VDAC1: variants seen among roughly 807,000 people sequenced by gnomAD.
VDAC1 encodes the protein voltage dependent anion channel 1.
A neutral mutation model predicts 34.7 loss-of-function variants in VDAC1; 10 were observed. The observed-to-expected ratio is 0.29, with a 90% CI of 0.18 to 0.49. The LOEUF (loss-of-function observed/expected upper bound fraction) is 0.49. VDAC1 is among the 20% of genes least tolerant of loss of function. The pLI is 0.99. For synonymous variants in VDAC1, 130 were observed against 136.0 expected (o/e 0.96, Z 0.30); for missense variants, 230 against 347.9 (o/e 0.66, Z 2.69).
At chr5:134,107,238 G>A in the VDAC1 span, among the ~76,000 whole-genome samples, 1 of 152,320 alleles carries the variant, frequency 6.6e-6, no homozygotes, top group Admixed American at 6.5e-5. Flanking sequence ...CAGCCTCAGA[G>A]GGGCCAGGAG....
the VDAC1 span, among the ~76,000 whole-genome samples, chr5:134,048,486 C>T: frequency 1.3e-5 from 2 of 151,014 alleles, no homozygotes; most frequent in South Asian, 2.1e-4. Context: ...AGGCTGGTCT[C>T]GAACTCCTAC....
the VDAC1 span, among the ~76,000 whole-genome samples, chr5:134,049,914 C>A: frequency 6.6e-6 from 1 of 152,106 alleles, no homozygotes; most frequent in Non-Finnish European, 1.5e-5. Context: ...TTCCACTCAA[C>A]TTTGTTTAGT....
chr5:133,975,170 A>G (rs1250680443), intron 7 of VDAC1, among the ~76,000 whole-genome samples: 1 of 152,094 alleles, frequency 6.6e-6, no homozygotes, highest in Admixed American at 6.5e-5. Context: ...TGGGAGGCTG[A>G]GGTGGCAGGA....
At chr5:134,096,807 G>A in the VDAC1 span, among the ~76,000 whole-genome samples, 8 of 152,110 alleles carry the variant, frequency 5.3e-5, no homozygotes, top group African/African-American at 1.9e-4. Context: ...TGCCCAGGCT[G>A]GTTTTGAACT....
the VDAC1 span, among the ~76,000 whole-genome samples, chr5:134,059,520 T>C: frequency 4.6e-5 from 7 of 152,084 alleles, no homozygotes; most frequent in African/African-American, 9.6e-5. Context: ...GGAGCAGCCT[T>C]GTTCATAGGG....
the VDAC1 span, among the ~76,000 whole-genome samples, chr5:134,049,200 G>A: frequency 7.9e-5 from 12 of 152,160 alleles, no homozygotes; most frequent in Admixed American, 4.6e-4. Context: ...CTGACTCCCT[G>A]TGAATATTTT....
At chr5:134,079,566 T>C in the VDAC1 span, among the ~76,000 whole-genome samples, 1 of 152,240 alleles carries the variant, frequency 6.6e-6, no homozygotes, top group Non-Finnish European at 1.5e-5. Context: ...TGATATTTGC[T>C]GAGCCAGGAA....
At chr5:133,998,327 A>G (rs1753413679) in intron 1 of VDAC1, among the ~76,000 whole-genome samples, 1 of 152,074 alleles carries the variant, frequency 6.6e-6, no homozygotes, top group South Asian at 2.1e-4. Context: ...CTGCTTCATT[A>G]TTTAAGCTGT....
In VDAC1 at chr5:133,982,952, A is replaced by C. The variant is rs368975035; in HGVS notation, c.324-1996T>G. Among the ~76,000 whole-genome samples, 8 of 151,964 alleles carry C rather than the reference A, an allele frequency of 5.3e-5. No individual in the cohort carries two copies. The East Asian group carries it at 5.8e-4, about 11-fold the overall frequency. On this transcript the variant is annotated intron_variant, in intron 5 of 8. Transcript: ENST00000265333. Reference sequence around the variant, plus strand: ...ATTTGAACAGACTAGAGATTTGACAATATTAAGAAATGATCCACTGGGCGC... The same window carrying C: ...ATTTGAACAGACTAGAGATTTGACACTATTAAGAAATGATCCACTGGGCGC...
the VDAC1 span, among the ~76,000 whole-genome samples, chr5:134,090,199 T>C: frequency 6.6e-6 from 1 of 152,114 alleles, no homozygotes; most frequent in Non-Finnish European, 1.5e-5. Flanking sequence ...TACCCAAGGT[T>C]TGCCCTTCCC....
chr5:134,064,263 G>A, the VDAC1 span, among the ~76,000 whole-genome samples: 16 of 152,002 alleles, frequency 1.1e-4, no homozygotes, highest in Non-Finnish European at 1.5e-5. Flanking sequence ...TTACAGGCGT[G>A]AGCCATCATA....
chr5:133,992,278 C>T (rs749830226), intron 3 of VDAC1, 28 bp downstream of exon 3: 5 of 1,485,150 alleles, frequency 3.4e-6, no homozygotes, highest in East Asian at 2.5e-5. Flanking sequence ...AATAAATACT[C>T]ATGTTCCATG....
chr5:134,004,229 G>T (rs1425409067), intron 1 of VDAC1, among the ~76,000 whole-genome samples: 1 of 151,882 alleles, frequency 6.6e-6, no homozygotes, highest in Non-Finnish European at 1.5e-5. Flanking sequence ...CGCTGGCCTG[G>T]TCCGGCGAGC....
upstream of VDAC1, among the ~76,000 whole-genome samples, chr5:134,008,701 C>T (rs956085464): frequency 6.6e-6 from 1 of 152,136 alleles, no homozygotes; most frequent in African/African-American, 2.4e-5. Context: ...TTAGCATTGT[C>T]TGTGCTAAGT....
chr5:133,988,322 C>T, intron 5 of VDAC1, among the ~76,000 whole-genome samples: 1 of 151,572 alleles, frequency 6.6e-6, no homozygotes, highest in East Asian at 1.9e-4. Flanking sequence ...TGCAGTGGCT[C>T]ACGCCTGTAA....
At chr5:134,113,168 G>C in the VDAC1 span, among the ~76,000 whole-genome samples, 1 of 152,210 alleles carries the variant, frequency 6.6e-6, no homozygotes, top group Non-Finnish European at 1.5e-5. Context: ...TAAGCGGCAA[G>C]CCCACCCTGG....
chr5:133,991,550 T>C (rs2126974505), intron 3 of VDAC1, among the ~76,000 whole-genome samples: 1 of 152,320 alleles, frequency 6.6e-6, no homozygotes. Context: ...ACTACTAAGA[T>C]TACTTTAAAA....
At chr5:134,008,009 T>C (rs1753783265), upstream of VDAC1, among the ~76,000 whole-genome samples, 1 of 152,156 alleles carries the variant, frequency 6.6e-6, no homozygotes, top group Non-Finnish European at 1.5e-5. Context: ...CCTCTCCTTT[T>C]GGTCAGCAAG....
chr5:133,979,960 C>A (rs529427419), intron 6 of VDAC1, among the ~76,000 whole-genome samples: 7 of 152,200 alleles, frequency 4.6e-5, no homozygotes. Context: ...AAAAATTCCT[C>A]AAAAAATTTA....
Sources: gnomAD v4.1 joint callset for allele counts (sites outside exome capture counted in the v4.1 genomes callset) on GRCh38, gnomAD v4.1.1 for gene constraint, MANE v1.5 for transcripts, NCBI Gene and HGNC (gene_info 2026-07-23, HGNC 2026-07-21) for gene names.